Variants in CLASRP observed in about 807,000 individuals in gnomAD.
The protein encoded by CLASRP is CLK4 associating serine/arginine rich protein.
In CLASRP, 52 loss-of-function variants were observed where a neutral mutation model predicts 99.9. The ratio of observed to expected loss-of-function variants is 0.52; its 90% CI spans 0.42 to 0.66. The LOEUF (loss-of-function observed/expected upper bound fraction) is 0.66, where lower values mean the gene tolerates loss of function less well. CLASRP is among the 30% of genes least tolerant of loss of function. CLASRP has a pLI of 0.00. For missense variants in CLASRP, 848 were observed against 999.2 expected, an observed-to-expected ratio of 0.85 and a Z score of 2.04; for synonymous variants, 379 against 373.0, an observed-to-expected ratio of 1.02 and a Z score of -0.18.
chr19:45,044,466 G>A (rs747777828), intron 2 of CLASRP, among the ~76,000 whole-genome samples: 2 of 152,160 alleles, frequency 1.3e-5, no homozygotes, highest in African/African-American at 2.4e-5. Flanking sequence ...GTGGCTTACA[G>A]TCACATAGCA....
intron 13 of CLASRP, among the ~76,000 whole-genome samples, chr19:45,065,677 C>T (rs1363004402): frequency 6.6e-6 from 1 of 151,832 alleles, no homozygotes; most frequent in Non-Finnish European, 1.5e-5. Context: ...TTCCGGTCCC[C>T]TTGCCTGTTG....
At chr19:45,054,275 A>G (rs1015262030) in intron 5 of CLASRP, among the ~76,000 whole-genome samples, 1 of 151,696 alleles carries the variant, frequency 6.6e-6, no homozygotes, top group Admixed American at 6.6e-5. Flanking sequence ...TTTGAGATTG[A>G]GTCTTACTCT....
At chr19:45,050,990 A>G (rs569520796) in intron 2 of CLASRP, among the ~76,000 whole-genome samples, 1 of 152,118 alleles carries the variant, frequency 6.6e-6, no homozygotes, top group South Asian at 2.1e-4. Context: ...AAGTGCTGGG[A>G]TTACCGGCGT....
At chr19:45,045,205 G>T (rs1156453108) in intron 2 of CLASRP, among the ~76,000 whole-genome samples, 1 of 152,174 alleles carries the variant, frequency 6.6e-6, no homozygotes, top group Non-Finnish European at 1.5e-5. Flanking sequence ...GGGGCAAAGC[G>T]CTCATGCCAT....
intron 16 of CLASRP, 70 bp downstream of exon 16, chr19:45,068,550 C>T: frequency 1.7e-6 from 2 of 1,191,978 alleles, no homozygotes; most frequent in Non-Finnish European, 2.5e-6. Context: ...CAAGGAGACT[C>T]AGCACCACTT....
At position 45,064,141 on chromosome 19, in the gene CLASRP, C is replaced by G; in HGVS notation, c.1035C>G (p.Ala345=). The G allele has an allele frequency of 1.2e-6, 2 of 1,610,864 alleles. No homozygotes were observed. Among genetic ancestry groups the G allele is most frequent in the Non-Finnish European group, 1.7e-6 (2 of 1,179,036 alleles). Residue 345 remains alanine, a synonymous_variant, in exon 12 of 21, where the codon GCC becomes GCG. Coordinates refer to ENST00000221455, the MANE Select transcript of CLASRP (RefSeq NM_007056.3). ...SDEEAAAAAA[A]AAASGVTTGK... The stretch of plus-strand genomic sequence containing the variant: ...AGGAGGCAGCCGCAGCCGCTGCTGC[C>G]GCAGCAGCATCAGGAGTCACCACAG...
At position 45,068,022 on chromosome 19, in the gene CLASRP, C is replaced by G. The variant is rs777355364; in HGVS notation, c.1675C>G (p.Pro559Ala). Residue 559 changes from proline (P) to alanine (A), a missense_variant, in exon 15 of 21, where the codon CCT becomes GCT. By Grantham distance (27) the Pro-to-Ala change is conservative (BLOSUM62 -1). This residue lies in a region of CLASRP where 489 missense variants were observed against 434.7 expected (regional missense o/e 1.12). Coordinates refer to ENST00000221455, the MANE Select transcript of CLASRP (RefSeq NM_007056.3). ...GGCCCTGCCCCCACCCAGGACCGAACCTGCCGCTGGTAAAGAGACAGGAGC... is the reference window on the plus strand; with the variant it reads ...GGCCCTGCCCCCACCCAGGACCGAAGCTGCCGCTGGTAAAGAGACAGGAGC... ...AVGEKLKKTE[P>A]AAGKETGAAK... is the part of the protein sequence containing the mutation. 5.0e-6 allele frequency: 8 copies of G among 1,613,642 alleles called. No homozygotes were observed. Among genetic ancestry groups the G allele is most frequent in the Non-Finnish European group, 6.8e-6 (8 of 1,179,580 alleles).
At position 45,067,635 on chromosome 19, in the gene CLASRP, G is replaced by A. The variant is rs1306392244; in HGVS notation, c.1667+41G>A. The A allele has an allele frequency of 7.3e-6, 11 of 1,516,696 alleles. No individual in the cohort carries two copies. The East Asian group carries it at 1.4e-4, about 19-fold the overall frequency. The allele number at this position is 1,516,696 out of a possible 1,614,324, so 94.0% of individuals were successfully genotyped here. On this transcript the variant is annotated intron_variant, in intron 14 of 20. Coordinates refer to ENST00000221455, the MANE Select transcript of CLASRP (RefSeq NM_007056.3). The surrounding 1 kb of genome is among the most constrained non-coding windows in gnomAD (Gnocchi z 4.9). ...CTGGAGGAAGAGGGCTGCCAATCTC[G>A]GGTGGGGAGGGTGAACATCACTGTT...
At position 45,064,389 on chromosome 19, in the gene CLASRP, T is replaced by C; in HGVS notation, c.1168T>C (p.Ser390Pro). ...SSSSSSASRTSSSRSSSRSSS... is the reference protein window; with the variant it reads ...SSSSSSASRTPSSRSSSRSSS... Reference sequence around the variant, plus strand: ...CTCCTCCTCTTCTGCCTCGAGGACCTCCAGCTCCCGCTCCAGCTCTCGCTC... The same window carrying C: ...CTCCTCCTCTTCTGCCTCGAGGACCCCCAGCTCCCGCTCCAGCTCTCGCTC... Residue 390 changes from serine (S) to proline (P), a missense_variant, in exon 13 of 21, where the codon TCC becomes CCC. By Grantham distance (74) the Ser-to-Pro change is moderately conservative. Coordinates refer to ENST00000221455, the MANE Select transcript of CLASRP (RefSeq NM_007056.3). The C allele has an allele frequency of 6.5e-7, 1 of 1,531,780 alleles. No individual in the cohort carries two copies. Among genetic ancestry groups the C allele is most frequent in the African/African-American group, 1.4e-5 (1 of 72,888 alleles). The allele number at this position is 1,531,780 out of a possible 1,614,324, so 94.9% of individuals were successfully genotyped here.
At chr19:45,042,453 A>G (rs1971829700) in intron 2 of CLASRP, among the ~76,000 whole-genome samples, 1 of 151,674 alleles carries the variant, frequency 6.6e-6, no homozygotes, top group African/African-American at 2.4e-5. Context: ...CGGGAGGCAT[A>G]GGTTGCATTG....
At chr19:45,064,296 C>G in intron 12 of CLASRP, 47 bp from the exon 13 acceptor site, 1 of 1,507,168 alleles carries the variant, frequency 6.6e-7, no homozygotes, top group South Asian at 1.3e-5. Flanking sequence ...CAGAGGGGGG[C>G]CGCGGCTCAG....
intron 15 of CLASRP, 36 bp from the exon 16 acceptor site, chr19:45,068,384 C>T: frequency 8.8e-7 from 1 of 1,132,578 alleles, no homozygotes; most frequent in Non-Finnish European, 1.3e-6. Context: ...TCTGGGACAC[C>T]CACCCCCTCT....
chr19:45,063,494 G>C (rs982648772), intron 11 of CLASRP, among the ~76,000 whole-genome samples: 23 of 119,566 alleles, frequency 1.9e-4, no homozygotes, highest in Non-Finnish European at 3.0e-4. Context: ...TGCCCAAGCT[G>C]GTGTGCAGTG....
rs182699749 is a variant in CLASRP, at chr19:45,051,992, T to C, written c.100-79T>C. On this transcript the variant is annotated intron_variant, in intron 2 of 20. Transcript: ENST00000221455. Reference sequence around the variant, plus strand: ...CAAAAAAAAAAAGAAGTGAGCTTGCTGCTAAGCTCGGTTGTGTGTGAGGGG... The same window carrying C: ...CAAAAAAAAAAAGAAGTGAGCTTGCCGCTAAGCTCGGTTGTGTGTGAGGGG... The C allele has an allele frequency of 7.9e-4, 859 of 1,086,698 alleles. 2 individuals carry two copies. In the African/African-American group the frequency reaches 0.012, roughly 15 times the overall value. 67.3% of individuals were successfully genotyped at this position (1,086,698 alleles called of 1,614,324 possible). A position where few individuals can be genotyped will look rare whatever the true frequency, so the allele number is the denominator to read the frequency against.
intron 2 of CLASRP, among the ~76,000 whole-genome samples, chr19:45,048,434 G>C (rs1971961469): frequency 6.6e-6 from 1 of 151,404 alleles, no homozygotes; most frequent in South Asian, 2.1e-4. Flanking sequence ...GCTGAGGCAG[G>C]AGAATCGCTT....
At chr19:45,066,250 G>C (rs1486530859) in intron 13 of CLASRP, among the ~76,000 whole-genome samples, 1 of 151,866 alleles carries the variant, frequency 6.6e-6, no homozygotes, top group Admixed American at 6.6e-5. Context: ...CTCCCAAGTA[G>C]CTGGGATTAC....
chr19:45,069,699 A>G (rs965316310), intron 18 of CLASRP: 5 of 440,276 alleles, frequency 1.1e-5, no homozygotes, highest in African/African-American at 6.0e-5. Context: ...AGACGTAGCC[A>G]TTGGGTTGCC....
intron 7 of CLASRP, among the ~76,000 whole-genome samples, chr19:45,058,945 T>TCATC (rs1370171239): frequency 6.6e-6 from 1 of 151,654 alleles, no homozygotes; most frequent in African/African-American, 2.4e-5. Context: ...TCCATTCCAT[T>TCATC]CATCCATCCA....
At position 45,053,301 on chromosome 19, in the gene CLASRP, C is replaced by G. The variant is rs145905470; in HGVS notation, c.379+124C>G. The G allele has an allele frequency of 4.9e-4, 432 of 873,154 alleles. 1 individual carries two copies. The African/African-American group carries it at 6.3e-3, about 13-fold the overall frequency. The allele number at this position is 873,154 out of a possible 1,614,324, so 54.1% of individuals were successfully genotyped here. On this transcript the variant is annotated intron_variant, in intron 5 of 20. Coordinates refer to ENST00000221455, the MANE Select transcript of CLASRP (RefSeq NM_007056.3). The stretch of plus-strand genomic sequence containing the variant: ...TACTAAAGGGCCTTGGGTTCCGGCT[C>G]CAGCTCTACGATAGACTCACTTTGC...
Sources: gnomAD v4.1 joint callset for allele counts (sites outside exome capture counted in the v4.1 genomes callset) on GRCh38, gnomAD v4.1.1 for gene constraint, gnomAD v4.1.1 regional missense constraint, Gnocchi (gnomAD v3.1) non-coding constraint, MANE v1.5 for transcripts, NCBI Gene and HGNC (gene_info 2026-07-23, HGNC 2026-07-21) for gene names.